GLG1: variants seen among roughly 807,000 people sequenced by gnomAD.
GLG1 encodes Golgi apparatus protein 1.
GLG1 carries 38 observed loss-of-function variants against 160.5 expected under a neutral mutation model. The observed-to-expected ratio is 0.24, with a 90% CI of 0.18 to 0.31. The LOEUF (loss-of-function observed/expected upper bound fraction) is 0.31. GLG1 is among the 10% of genes least tolerant of loss of function. GLG1 has a pLI of 1.00. For missense variants in GLG1, 1,373 were observed against 1,505.2 expected (o/e 0.91, Z 1.45); for synonymous variants, 644 against 543.4 (o/e 1.19, Z -2.57).
intron 2 of GLG1, among the ~76,000 whole-genome samples, chr16:74,524,736 G>A (rs1046443995): frequency 1.3e-5 from 2 of 152,126 alleles, no homozygotes; most frequent in African/African-American, 4.8e-5. Flanking sequence ...CTACTCTGTT[G>A]AGATAGAATT....
intron 1 of GLG1, among the ~76,000 whole-genome samples, chr16:74,596,369 A>G (rs1398065089): frequency 6.6e-6 from 1 of 151,994 alleles, no homozygotes; most frequent in Non-Finnish European, 1.5e-5. Context: ...TCTCTACTAA[A>G]AATACAAAAA....
chr16:74,583,741 T>G (rs576274206), intron 1 of GLG1, among the ~76,000 whole-genome samples: 1 of 152,148 alleles, frequency 6.6e-6, no homozygotes, highest in African/African-American at 2.4e-5. Flanking sequence ...ATCATCATCT[T>G]CTCAGGGAGA....
intron 1 of GLG1, among the ~76,000 whole-genome samples, chr16:74,555,106 T>C (rs1369079934): frequency 6.6e-6 from 1 of 152,160 alleles, no homozygotes; most frequent in Non-Finnish European, 1.5e-5. Flanking sequence ...GTTGTAACTG[T>C]GCTTGGAGAT....
At chr16:74,496,289 G>A in intron 5 of GLG1, 152 bp downstream of exon 5, 1 of 583,582 alleles carries the variant, frequency 1.7e-6, no homozygotes, top group Non-Finnish European at 3.0e-6. Context: ...AGGCTGAGCT[G>A]GAGCACTGCT....
intron 13 of GLG1, among the ~76,000 whole-genome samples, chr16:74,473,901 G>A (rs1457739151): frequency 2.0e-5 from 3 of 152,102 alleles, no homozygotes; most frequent in East Asian, 3.9e-4. Context: ...ATGAGAGAAC[G>A]GGAATGTGTA....
chr16:74,538,609 A>C (rs137949202), intron 1 of GLG1, among the ~76,000 whole-genome samples: 134 of 152,270 alleles, frequency 8.8e-4, no homozygotes, highest in Non-Finnish European at 1.5e-3. Context: ...CACAGGCTTT[A>C]TGCCTTCCAA....
At chr16:74,509,447 A>T (rs2016728946) in intron 2 of GLG1, among the ~76,000 whole-genome samples, 1 of 152,036 alleles carries the variant, frequency 6.6e-6, no homozygotes, top group Non-Finnish European at 1.5e-5. Context: ...GATTTGGTGG[A>T]TTCAGTCTCA....
At chr16:74,468,371 G>A (rs2015077345) in intron 17 of GLG1, 1 of 154,382 alleles carries the variant, frequency 6.5e-6, no homozygotes, top group Non-Finnish European at 1.4e-5. Context: ...AAGTAGCTGG[G>A]ATTACAGGTA....
intron 22 of GLG1, 93 bp from the exon 23 acceptor site, chr16:74,459,882 G>T: frequency 1.6e-6 from 1 of 643,140 alleles, no homozygotes; most frequent in Non-Finnish European, 2.6e-6. Context: ...TTGAAACAGA[G>T]CCAAGCTCTG....
At chr16:74,597,747 G>A (rs1191061048) in intron 1 of GLG1, among the ~76,000 whole-genome samples, 4 of 151,362 alleles carry the variant, frequency 2.6e-5, no homozygotes, top group African/African-American at 4.9e-5. Flanking sequence ...CCAGCTACTC[G>A]GGAGGCTGAA....
Position 74,465,819 on chromosome 16 carries a change from G to T in GLG1, c.2530-6C>A, listed in dbSNP as rs747323830. The T allele has an allele frequency of 5.0e-6, 8 of 1,612,948 alleles. No individual in the cohort carries two copies. Among genetic ancestry groups the T allele is most frequent in the Non-Finnish European group, 6.8e-6 (8 of 1,179,130 alleles). On this transcript the variant is annotated splice_region_variant and splice_polypyrimidine_tract_variant and intron_variant, in intron 18 of 25. Transcript: ENST00000422840. ...TCTTTCAGACATTCGATAATCTATGGCAAAAGAGTTATAGTCAAGTTGAGA... is the reference window on the plus strand; with the variant it reads ...TCTTTCAGACATTCGATAATCTATGTCAAAAGAGTTATAGTCAAGTTGAGA...
Position 74,452,803 on chromosome 16 carries a change from A to G in GLG1, c.*364T>C, listed in dbSNP as rs187187154. The G allele has an allele frequency of 9.9e-7, 1 of 1,007,548 alleles. No homozygotes were observed. The highest frequency in any genetic ancestry group is 9.6e-5 in the East Asian group (1 of 10,402). The allele number at this position is 1,007,548 out of a possible 1,614,324, so 62.4% of individuals were successfully genotyped here. A position where few individuals can be genotyped will look rare whatever the true frequency, so the allele number is the denominator to read the frequency against. ...TTACTATATACATTTTTTTCTTTAA[A>G]AAAATTTTTTTTTTTGGTGGTTTTC... is the stretch of plus-strand genomic sequence containing the variant. On this transcript the variant is annotated 3_prime_UTR_variant, in exon 26 of 26. Transcript: ENST00000422840.
chr16:74,495,862 G>A (rs551330775), intron 5 of GLG1, among the ~76,000 whole-genome samples: 1 of 152,280 alleles, frequency 6.6e-6, no homozygotes, highest in Non-Finnish European at 1.5e-5. Context: ...CATCAAGGTT[G>A]AGCATCCAGT....
intron 3 of GLG1, among the ~76,000 whole-genome samples, chr16:74,506,581 C>CAAAAAA (rs56175030): frequency 0.086 from 3,349 of 38,964 alleles, 946 homozygotes; most frequent in East Asian, 0.31. Flanking sequence ...GACTCCGTCT[C>CAAAAAA]AAAAAAAAAA....
intron 23 of GLG1, among the ~76,000 whole-genome samples, chr16:74,459,363 A>G (rs2014691705): frequency 1.3e-5 from 2 of 152,184 alleles, no homozygotes; most frequent in Admixed American, 1.3e-4. Flanking sequence ...CTATAGTCCC[A>G]GCTACTTGGG....
At chr16:74,579,855 G>C (rs1449901501) in intron 1 of GLG1, among the ~76,000 whole-genome samples, 2 of 151,580 alleles carry the variant, frequency 1.3e-5, no homozygotes, top group Non-Finnish European at 2.9e-5. Flanking sequence ...ACAAGGTCAA[G>C]AGATAGAGAC....
chr16:74,460,929 C>T (rs2014765804), intron 22 of GLG1, among the ~76,000 whole-genome samples: 1 of 152,226 alleles, frequency 6.6e-6, no homozygotes, highest in Non-Finnish European at 1.5e-5. Flanking sequence ...AAAGTGTGCA[C>T]ACGCGCGTAC....
chr16:74,481,890 A>G (rs1015382965), intron 10 of GLG1, among the ~76,000 whole-genome samples: 1 of 151,958 alleles, frequency 6.6e-6, no homozygotes, highest in East Asian at 1.9e-4. Context: ...GTTTTACACC[A>G]TTCTCCTGCC....
chr16:74,477,232 G>C (rs1368127693), intron 12 of GLG1, among the ~76,000 whole-genome samples, 164 bp downstream of exon 12: 1 of 152,138 alleles, frequency 6.6e-6, no homozygotes, highest in Non-Finnish European at 1.5e-5. Flanking sequence ...AGACCAGAGA[G>C]AAAATTTTCC....
Sources: allele counts gnomAD v4.1 joint callset (sites outside exome capture counted in the v4.1 genomes callset), GRCh38; gene constraint gnomAD v4.1.1; transcripts MANE v1.5; gene names NCBI Gene and HGNC (gene_info 2026-07-23, HGNC 2026-07-21).